LIMA1: variants seen among roughly 807,000 people sequenced by gnomAD.
LIMA1 encodes the protein LIM domain and actin binding 1.
LIMA1 carries 52 observed loss-of-function variants against 62.6 expected under a neutral mutation model. That is an observed-to-expected ratio of 0.83 (90% CI 0.67 to 1.05). The LOEUF (loss-of-function observed/expected upper bound fraction) is 1.05, where lower values mean the gene tolerates loss of function less well. LIMA1 is among the 50% of genes least tolerant of loss of function. The pLI, the probability that LIMA1 is intolerant of heterozygous loss-of-function variation, is 0.00. For missense variants in LIMA1, 780 were observed against 902.2 expected, an observed-to-expected ratio of 0.86 and a Z score of 1.74; for synonymous variants, 302 against 317.8, an observed-to-expected ratio of 0.95 and a Z score of 0.53.
At chr12:50,268,005 T>A (rs190765616) in intron 1 of LIMA1, among the ~76,000 whole-genome samples, 1 of 152,230 alleles carries the variant, frequency 6.6e-6, no homozygotes, top group Non-Finnish European at 1.5e-5. Context: ...CTCTACAACT[T>A]ACTTTTTTTT....
chr12:50,205,375 G>A (rs901795122), intron 5 of LIMA1, among the ~76,000 whole-genome samples: 11 of 151,808 alleles, frequency 7.2e-5, no homozygotes, highest in African/African-American at 1.9e-4. Context: ...GCCTGGGCTC[G>A]TATTTTAAAA....
rs142839694 is a variant in LIMA1 at position 50,231,119 on chromosome 12, T to C, written c.165+546A>G. Among the ~76,000 whole-genome samples, 313 of 152,304 alleles carry C rather than the reference T, an allele frequency of 2.1e-3. 2 individuals are homozygous for C. The highest frequency in any genetic ancestry group is 7.4e-3 in the African/African-American group (306 of 41,558). ...AAGTAAAATTTCAAAAGACATGTATTATTCAGCCTCACCGGAAGTTAGCAA... is the reference window on the plus strand; with the variant it reads ...AAGTAAAATTTCAAAAGACATGTATCATTCAGCCTCACCGGAAGTTAGCAA... On this transcript the variant is annotated intron_variant, in intron 3 of 10. Coordinates refer to ENST00000341247, the MANE Select transcript of LIMA1 (RefSeq NM_016357.5).
rs764718838 is a variant in LIMA1 at position 50,239,066 on chromosome 12, TCTA to T, written c.120-7359_120-7357del. ...TTCATTCGAGAAATACTTATTGCTGTCTACTATGTTCCAAGCACTAGAGAAAAA... is the reference window on the plus strand; with the variant it reads ...TTCATTCGAGAAATACTTATTGCTGTCTATGTTCCAAGCACTAGAGAAAAA... On this transcript the variant is annotated intron_variant, in intron 2 of 10. Coordinates refer to ENST00000341247, the MANE Select transcript of LIMA1 (RefSeq NM_016357.5). Among the ~76,000 whole-genome samples, 12 of 152,186 alleles carry T rather than the reference TCTA, an allele frequency of 7.9e-5. No individual in the cohort carries two copies. In the East Asian group the frequency reaches 1.2e-3, roughly 15 times the overall value.
chr12:50,271,648 T>A (rs1403848470), intron 1 of LIMA1, among the ~76,000 whole-genome samples: 1 of 152,198 alleles, frequency 6.6e-6, no homozygotes, highest in East Asian at 1.9e-4. Flanking sequence ...AGAAAAAGAA[T>A]GTGGAAATTT....
At chr12:50,210,733 C>A (rs1941241334) in intron 4 of LIMA1, among the ~76,000 whole-genome samples, 1 of 152,176 alleles carries the variant, frequency 6.6e-6, no homozygotes. Flanking sequence ...TTAATTTAAA[C>A]TGCTGGGTTA....
At chr12:50,230,692 T>C (rs1218659565) in intron 3 of LIMA1, among the ~76,000 whole-genome samples, 1 of 152,124 alleles carries the variant, frequency 6.6e-6, no homozygotes, top group Admixed American at 6.6e-5. Flanking sequence ...TTCTCCTGCC[T>C]CAGCCTCCCG....
chr12:50,250,451 G>C (rs918422517), intron 1 of LIMA1, among the ~76,000 whole-genome samples: 1 of 150,982 alleles, frequency 6.6e-6, no homozygotes, highest in Non-Finnish European at 1.5e-5. Flanking sequence ...AATTAGCTGG[G>C]CGTGGTGGCA....
intron 1 of LIMA1, among the ~76,000 whole-genome samples, chr12:50,280,137 T>A (rs1022406344): frequency 1.4e-5 from 2 of 142,068 alleles, no homozygotes; most frequent in African/African-American, 5.3e-5. Flanking sequence ...AGTTTCAGGG[T>A]AGTAGTATTT....
At chr12:50,201,591 T>A in intron 6 of LIMA1, 2 of 908,006 alleles carry the variant, frequency 2.2e-6, no homozygotes, top group Non-Finnish European at 1.3e-6. Flanking sequence ...TTAACTCATC[T>A]ATTACATCTA....
chr12:50,178,951 C>CATATAT (rs535492365), intron 10 of LIMA1, among the ~76,000 whole-genome samples: 41 of 138,594 alleles, frequency 3.0e-4, no homozygotes, highest in African/African-American at 9.3e-4. Context: ...TATATAAATA[C>CATATAT]ATATATATAT....
In LIMA1 at chr12:50,213,758, T is replaced by G. The variant is rs144822408; in HGVS notation, c.631-7690A>C. 8.5e-5 allele frequency among the ~76,000 whole-genome samples: 13 copies of G among 152,282 alleles called. No individual in the cohort carries two copies. In the East Asian group the frequency reaches 2.5e-3, roughly 29 times the overall value. ...TAGTAATATTTGTACTGGGGGGAGA[T>G]GAAGTCTTTCTAGCCCCCTTGAAGT... On this transcript the variant is annotated intron_variant, in intron 4 of 10. Coordinates refer to ENST00000341247, the MANE Select transcript of LIMA1 (RefSeq NM_016357.5).
rs1189130258 is a variant in LIMA1, at chr12:50,258,097, AG to A, written c.-23-9324del. On this transcript the variant is annotated intron_variant, in intron 1 of 10. Transcript: ENST00000341247. ...ACTTTCTAGCACTGCAAGATGTTCC[AG>A]GCTCGTCTTGTATTTACCATGCCTC... Among the ~76,000 whole-genome samples the A allele has an allele frequency of 4.6e-5, 7 of 152,070 alleles. No individual in the cohort carries two copies. The East Asian group carries it at 1.3e-3, about 29-fold the overall frequency.
intron 1 of LIMA1, among the ~76,000 whole-genome samples, chr12:50,272,579 C>G (rs1461192478): frequency 7.7e-6 from 1 of 130,534 alleles, no homozygotes; most frequent in Admixed American, 8.2e-5. Context: ...GCAACAAGAG[C>G]GAAACTCCGT....
chr12:50,211,460 T>C (rs1433557387), intron 4 of LIMA1, among the ~76,000 whole-genome samples: 2 of 144,614 alleles, frequency 1.4e-5, no homozygotes, highest in Non-Finnish European at 3.0e-5. Context: ...CTGGGCAACA[T>C]GGTGAGACCC....
chr12:50,194,441 C>A (rs533594897), intron 8 of LIMA1, among the ~76,000 whole-genome samples: 1 of 151,954 alleles, frequency 6.6e-6, no homozygotes, highest in South Asian at 2.1e-4. Context: ...GGATTACAGG[C>A]GCCCACCACC....
intron 1 of LIMA1, among the ~76,000 whole-genome samples, chr12:50,269,228 A>ATTGTTTTGCATATATAACTTAT (rs1395465743): frequency 6.6e-6 from 1 of 152,216 alleles, no homozygotes; most frequent in African/African-American, 2.4e-5. Flanking sequence ...TACTGTCTTA[A>ATTGTTTTGCATATATAACTTAT]TTGTTTTGCA....
intron 10 of LIMA1, among the ~76,000 whole-genome samples, chr12:50,181,532 T>A (rs1421499050): frequency 6.6e-6 from 1 of 152,232 alleles, no homozygotes; most frequent in Non-Finnish European, 1.5e-5. Context: ...TTGCCATTAT[T>A]ATCATTTATA....
intron 1 of LIMA1, among the ~76,000 whole-genome samples, chr12:50,265,163 A>G (rs949705849): frequency 6.6e-6 from 1 of 151,992 alleles, no homozygotes; most frequent in African/African-American, 2.4e-5. Flanking sequence ...AAAAAAAAAA[A>G]AATCAAAAAT....
At chr12:50,234,289 A>C (rs1592542437) in intron 2 of LIMA1, 1 of 325,626 alleles carries the variant, frequency 3.1e-6, no homozygotes, top group South Asian at 2.6e-5. Context: ...GCTAGCTGCA[A>C]CCTCCGCTTC....
Sources: gnomAD v4.1 joint callset for allele counts (sites outside exome capture counted in the v4.1 genomes callset) on GRCh38, gnomAD v4.1.1 for gene constraint, MANE v1.5 for transcripts, NCBI Gene and HGNC (gene_info 2026-07-23, HGNC 2026-07-21) for gene names.